Variants in EDA observed in about 807,000 individuals in gnomAD.
EDA encodes ectodysplasin A, also known as ectodysplasin-A.
A neutral mutation model predicts 23.6 loss-of-function variants in EDA; 2 were observed. That is an observed-to-expected ratio of 0.08 (90% CI 0.03 to 0.27). The LOEUF (loss-of-function observed/expected upper bound fraction) is 0.27. Ranked by LOEUF, EDA falls within the 10% of genes least tolerant of loss-of-function variation. The probability of loss-of-function intolerance (pLI) is 1.00; values close to 1 mark genes in which losing one functional copy is unlikely to be tolerated. For synonymous variants in EDA, 131 were observed against 132.0 expected (o/e 0.99, Z 0.05); for missense variants, 229 against 324.2 (o/e 0.71, Z 2.26).
intron 1 of EDA, among the ~76,000 whole-genome samples, chrX:69,718,181 T>G (rs2012422480): frequency 8.9e-6 from 1 of 112,213 alleles, no homozygotes; most frequent in South Asian, 3.7e-4. Context: ...GTAAACTCAC[T>G]TATAGATTCT....
At chrX:69,696,978 A>G (rs1476523926) in intron 1 of EDA, among the ~76,000 whole-genome samples, 2 of 112,041 alleles carry the variant, frequency 1.8e-5, no homozygotes, top group Non-Finnish European at 3.8e-5. Flanking sequence ...TCTGCGATCA[A>G]TTGCAGTTCA....
At chrX:69,857,800 T>C (rs2017293099) in intron 1 of EDA, among the ~76,000 whole-genome samples, 1 of 111,597 alleles carries the variant, frequency 9.0e-6, no homozygotes, top group Admixed American at 9.5e-5. Context: ...GGGAATTGCA[T>C]TGAATTTGTA....
At chrX:69,979,506 C>T (rs756014550) in intron 2 of EDA, among the ~76,000 whole-genome samples, 31 of 111,876 alleles carry the variant, frequency 2.8e-4, no homozygotes, top group Non-Finnish European at 5.6e-4. Flanking sequence ...TTTATAATCC[C>T]ACCAGTAGCA....
intron 1 of EDA, among the ~76,000 whole-genome samples, chrX:69,796,867 G>C (rs1043572215): frequency 9.0e-6 from 1 of 111,005 alleles, no homozygotes; most frequent in Admixed American, 9.6e-5. Context: ...TTTTACCAGA[G>C]ATAGATATCA....
rs765296747 is a variant in EDA at position 69,923,048 on chromosome X, A to C, written c.397-33979A>C. 2.7e-5 allele frequency among the ~76,000 whole-genome samples: 3 copies of C among 111,628 alleles called. No homozygotes were observed. The South Asian group carries it at 1.1e-3, about 42-fold the overall frequency. ...GTAATCAGAATATATATGCAGCATG[A>C]CTTTTTCTTGCTTTAGGACCAGATA... On this transcript the variant is annotated intron_variant, in intron 1 of 7. Coordinates refer to ENST00000374552, the MANE Select transcript of EDA (RefSeq NM_001399.5).
At position 70,025,887 on chromosome X, in the gene EDA, G is replaced by C. The variant is rs188457271; in HGVS notation, c.527-1970G>C. On this transcript the variant is annotated intron_variant, in intron 3 of 7. Coordinates refer to ENST00000374552, the MANE Select transcript of EDA (RefSeq NM_001399.5). ...CTGGACCTTCCTTTCCTTCCTTTCT[G>C]AGGAAGAGACCCCACGATGACCCCA... Among the ~76,000 whole-genome samples the C allele has an allele frequency of 3.6e-5, 4 of 111,831 alleles. No individual in the cohort carries two copies. The East Asian group carries it at 1.1e-3, about 32-fold the overall frequency.
chrX:70,010,909 A>C (rs1207430958), intron 2 of EDA, among the ~76,000 whole-genome samples: 2 of 111,879 alleles, frequency 1.8e-5, no homozygotes, highest in Non-Finnish European at 3.8e-5. Flanking sequence ...TCCATGACTC[A>C]GTTATCTCTA....
At chrX:69,830,906 A>G (rs531121819) in intron 1 of EDA, among the ~76,000 whole-genome samples, 159 of 111,504 alleles carry the variant, frequency 1.4e-3, no homozygotes, top group African/African-American at 5.1e-3. Context: ...GCTTGAGGAG[A>G]GTAGAGGGTT....
chrX:69,982,410 AG>A lies in EDA; in HGVS notation c.502+25279del, dbSNP rs764454776. Reference sequence around the variant, plus strand: ...GAAAGAGAACTTGGACCATACCAAGAGTGATTGGTTTAACACTCCACACATT... The same window carrying A: ...GAAAGAGAACTTGGACCATACCAAGATGATTGGTTTAACACTCCACACATT... On this transcript the variant is annotated intron_variant, in intron 2 of 7. Coordinates refer to ENST00000374552, the MANE Select transcript of EDA (RefSeq NM_001399.5). Among the ~76,000 whole-genome samples the A allele has an allele frequency of 4.5e-5, 5 of 111,332 alleles. No homozygotes were observed. The South Asian group carries it at 2.0e-3, about 44-fold the overall frequency.
chrX:69,706,419 A>G (rs752622727), intron 1 of EDA, among the ~76,000 whole-genome samples: 1 of 112,167 alleles, frequency 8.9e-6, no homozygotes, highest in South Asian at 3.7e-4. Flanking sequence ...AAAGTGTCAA[A>G]CTCTGTAAAA....
intron 1 of EDA, among the ~76,000 whole-genome samples, chrX:69,791,463 T>G (rs779832692): frequency 2.2e-4 from 25 of 111,451 alleles, no homozygotes; most frequent in African/African-American, 8.1e-4. Context: ...GCTTTGATCC[T>G]AGGAAGCCTG....
At chrX:69,840,796 C>T (rs919191989) in intron 1 of EDA, among the ~76,000 whole-genome samples, 2 of 111,836 alleles carry the variant, frequency 1.8e-5, no homozygotes, top group African/African-American at 6.5e-5. Context: ...TCTCTGCTTC[C>T]AAAATGGTGC....
chrX:69,853,111 A>G (rs2017169514), intron 1 of EDA, among the ~76,000 whole-genome samples: 1 of 112,079 alleles, frequency 8.9e-6, no homozygotes, highest in Non-Finnish European at 1.9e-5. Context: ...TACAAATACA[A>G]CAGAAATTAT....
At chrX:69,671,918 T>G (rs1053591905) in intron 1 of EDA, among the ~76,000 whole-genome samples, 2 of 112,263 alleles carry the variant, frequency 1.8e-5, no homozygotes, top group African/African-American at 6.5e-5. Flanking sequence ...TGTCACCTAT[T>G]AGAGACACTT....
intron 1 of EDA, among the ~76,000 whole-genome samples, chrX:69,882,192 ACAG>A (rs1391015233): frequency 3.6e-5 from 4 of 111,899 alleles, no homozygotes. Flanking sequence ...CTTAAGCCAT[ACAG>A]TCCTTCCAGC....
chrX:69,624,379 C>T (rs1420794720), intron 1 of EDA, among the ~76,000 whole-genome samples: 4 of 111,570 alleles, frequency 3.6e-5, no homozygotes, highest in Non-Finnish European at 7.6e-5. Flanking sequence ...TTATTTCAAT[C>T]CTTGAGGGTA....
At chrX:69,722,097 T>C (rs1007901629) in intron 1 of EDA, among the ~76,000 whole-genome samples, 30 of 112,288 alleles carry the variant, frequency 2.7e-4, no homozygotes, top group Non-Finnish European at 4.9e-4. Context: ...CTGGAACTTA[T>C]CCTAGGACGA....
chrX:69,802,507 G>A (rs187056430), intron 1 of EDA, among the ~76,000 whole-genome samples: 1 of 110,842 alleles, frequency 9.0e-6, no homozygotes, highest in African/African-American at 3.3e-5. Context: ...TTCTTAAGTT[G>A]AGTAGTAGGA....
At chrX:69,755,940 C>G (rs2804381) in intron 1 of EDA, among the ~76,000 whole-genome samples, 33,941 of 111,073 alleles carry the variant, frequency 0.31, 4,889 homozygotes, top group Middle Eastern at 0.56. Flanking sequence ...GGGGAGTGTC[C>G]CAATTTTCCA....
Sources: allele counts gnomAD v4.1 joint callset (sites outside exome capture counted in the v4.1 genomes callset), GRCh38; gene constraint gnomAD v4.1.1; transcripts MANE v1.5; gene names NCBI Gene and HGNC (gene_info 2026-07-23, HGNC 2026-07-21).